The following ANKS1B variants were observed in gnomAD, a reference collection of about 807,000 sequenced individuals.
ANKS1B encodes ankyrin repeat and sterile alpha motif domain-containing protein 1B.
Under a neutral mutation model 148.3 loss-of-function variants are expected in ANKS1B, and 36 were observed. The ratio of observed to expected loss-of-function variants is 0.24; its 90% confidence interval spans 0.19 to 0.32. ANKS1B has a LOEUF of 0.32. Among genes scored for constraint, ANKS1B ranks in the 10% least tolerant of loss-of-function variants. ANKS1B has a pLI of 1.00. For synonymous variants in ANKS1B, 542 were observed against 560.8 expected (o/e 0.97, Z 0.47); for missense variants, 1,157 against 1,542.6 (o/e 0.75, Z 4.19).
chr12:99,136,470 AAC>A (rs1367219169), intron 15 of ANKS1B, among the ~76,000 whole-genome samples: 2 of 152,208 alleles, frequency 1.3e-5, no homozygotes, highest in Non-Finnish European at 2.9e-5. Context: ...GTTGACTTGA[AAC>A]ACACACACAA....
intron 2 of ANKS1B, among the ~76,000 whole-genome samples, chr12:99,823,448 G>T (rs2082761029): frequency 6.6e-6 from 1 of 152,122 alleles, no homozygotes; most frequent in Non-Finnish European, 1.5e-5. Context: ...TGGGATTACA[G>T]GCACATATCA....
chr12:99,933,148 G>A (rs1333447146), intron 1 of ANKS1B, among the ~76,000 whole-genome samples: 1 of 152,162 alleles, frequency 6.6e-6, no homozygotes, highest in African/African-American at 2.4e-5. Flanking sequence ...GTACTGTGCT[G>A]TGTTGGTCAC....
At position 99,768,608 on chromosome 12, in the gene ANKS1B, A is replaced by G. The variant is rs557500625; in HGVS notation, c.1128+4314T>C. On this transcript the variant is annotated intron_variant, in intron 8 of 26. Transcript: ENST00000683438. ...TTTGGGAAGCCGAGGCAGGCAGATC[A>G]CAAGGTCGGGAGATCGAGACCATCG... 9.9e-5 allele frequency among the ~76,000 whole-genome samples: 15 copies of G among 152,162 alleles called. 1 individual carries two copies. The highest frequency in any genetic ancestry group is 3.6e-4 in the African/African-American group (15 of 41,506).
In ANKS1B at chr12:99,197,891, G is replaced by A. The variant is rs527628684; in HGVS notation, c.2420-43496C>T. Among the ~76,000 whole-genome samples, 3 of 152,222 alleles carry A rather than the reference G, an allele frequency of 2.0e-5. No individual in the cohort carries two copies. The South Asian group carries it at 6.2e-4, about 32-fold the overall frequency. ...TATCGTTTAAGCTTCCAAGTCTATG[G>A]TAATTTGTCACAGCAATAAGAAGAA... On this transcript the variant is annotated intron_variant, in intron 14 of 26. Transcript: ENST00000683438.
At chr12:99,888,969 A>AACACAC (rs6144833) in intron 1 of ANKS1B, among the ~76,000 whole-genome samples, 8,209 of 147,186 alleles carry the variant, frequency 0.056, 259 homozygotes, top group Non-Finnish European at 0.064. Context: ...CCTTCGCCAA[A>AACACAC]ACACACACAC....
chr12:99,151,328 G>C (rs1300057884), intron 15 of ANKS1B, among the ~76,000 whole-genome samples: 1 of 152,082 alleles, frequency 6.6e-6, no homozygotes, highest in Non-Finnish European at 1.5e-5. Flanking sequence ...AGGAGTTCTA[G>C]ACCAGCCTGG....
intron 8 of ANKS1B, among the ~76,000 whole-genome samples, chr12:99,700,397 G>A (rs1366812477): frequency 6.6e-6 from 1 of 152,104 alleles, no homozygotes; most frequent in Non-Finnish European, 1.5e-5. Flanking sequence ...ATAGGAACAT[G>A]CTTCTTTTCA....
Position 99,812,321 on chromosome 12 carries a change from A to G in ANKS1B, c.216-10T>C, listed in dbSNP as rs1437107927. On this transcript the variant is annotated splice_polypyrimidine_tract_variant and intron_variant, in intron 2 of 26. Transcript: ENST00000683438. ...TTTGAGAACTATGTCCCTAAAAAGG[A>G]AAAAACAACAACAACAAAATAGGCT... The G allele has an allele frequency of 6.2e-7, 1 of 1,606,952 alleles. No individual in the cohort carries two copies. Among genetic ancestry groups the G allele is most frequent in the Non-Finnish European group, 8.5e-7 (1 of 1,176,318 alleles).
intron 2 of ANKS1B, among the ~76,000 whole-genome samples, chr12:99,820,275 T>A (rs2082349235): frequency 1.3e-5 from 2 of 152,042 alleles, no homozygotes; most frequent in Admixed American, 6.6e-5. Flanking sequence ...AAATGCTGCT[T>A]CATTTGTGGA....
intron 11 of ANKS1B, among the ~76,000 whole-genome samples, chr12:99,434,530 TTTTA>T (rs948035279): frequency 1.9e-4 from 29 of 152,246 alleles, no homozygotes; most frequent in South Asian, 4.1e-4. Flanking sequence ...TTGAACATAT[TTTTA>T]TTTATTTATT....
At chr12:98,982,094 A>G (rs558827772) in intron 17 of ANKS1B, among the ~76,000 whole-genome samples, 3 of 152,370 alleles carry the variant, frequency 2.0e-5, no homozygotes, top group Admixed American at 6.5e-5. Flanking sequence ...CTAGTCACTG[A>G]TATAAGTGGA....
chr12:98,743,082 T>TATC (rs1173662621), downstream of ANKS1B, among the ~76,000 whole-genome samples: 8 of 152,354 alleles, frequency 5.3e-5, no homozygotes, highest in African/African-American at 1.9e-4. Flanking sequence ...CTAGATCACT[T>TATC]ATCAAATTTT....
intron 8 of ANKS1B, among the ~76,000 whole-genome samples, chr12:99,711,098 T>C (rs1040892723): frequency 1.3e-5 from 2 of 152,074 alleles, no homozygotes; most frequent in African/African-American, 2.4e-5. Context: ...TTTGTATCTA[T>C]AATAAATCAA....
At chr12:99,789,178 G>A (rs1161349268) in intron 4 of ANKS1B, among the ~76,000 whole-genome samples, 1 of 152,134 alleles carries the variant, frequency 6.6e-6, no homozygotes, top group Non-Finnish European at 1.5e-5. Context: ...GACAGACTCT[G>A]TTTCTTTGAG....
intron 11 of ANKS1B, among the ~76,000 whole-genome samples, chr12:99,402,691 A>G (rs759436683): frequency 1.4e-5 from 2 of 145,982 alleles, no homozygotes; most frequent in African/African-American, 2.6e-5. Context: ...TGGTGTATAT[A>G]TACCACATTT....
intron 12 of ANKS1B, among the ~76,000 whole-genome samples, chr12:99,263,466 T>A (rs1393247135): frequency 6.6e-6 from 1 of 152,124 alleles, no homozygotes; most frequent in African/African-American, 2.4e-5. Context: ...CATTCTAGAA[T>A]CCTTTATGCT....
At chr12:98,764,285 GGCAC>G (rs1017911552) in intron 25 of ANKS1B, among the ~76,000 whole-genome samples, 3 of 152,178 alleles carry the variant, frequency 2.0e-5, no homozygotes, top group Non-Finnish European at 4.4e-5. Context: ...GGAGTGCAGT[GGCAC>G]GATCTCAGCT....
intron 17 of ANKS1B, among the ~76,000 whole-genome samples, chr12:98,969,752 G>C (rs535442477): frequency 1.3e-5 from 2 of 152,070 alleles, no homozygotes; most frequent in African/African-American, 4.8e-5. Context: ...GGGAATTATT[G>C]TGCACAGAGA....
At chr12:99,540,835 A>G (rs1319147423) in intron 9 of ANKS1B, among the ~76,000 whole-genome samples, 1 of 152,086 alleles carries the variant, frequency 6.6e-6, no homozygotes, top group African/African-American at 2.4e-5. Flanking sequence ...AAAGAAATTC[A>G]AAGAAATGTA....
Sources: gnomAD v4.1 joint callset for allele counts (sites outside exome capture counted in the v4.1 genomes callset) on GRCh38, gnomAD v4.1.1 for gene constraint, MANE v1.5 for transcripts, NCBI Gene and HGNC (gene_info 2026-07-23, HGNC 2026-07-21) for gene names.